The following DGKG variants were observed in gnomAD, a reference collection of about 807,000 sequenced individuals.
DGKG encodes the protein DAG kinase gamma.
DGKG carries 78 observed loss-of-function variants against 105.3 expected under a neutral mutation model. The ratio of observed to expected loss-of-function variants is 0.74; its 90% CI spans 0.62 to 0.89. The LOEUF (loss-of-function observed/expected upper bound fraction) is 0.89, where lower values mean the gene tolerates loss of function less well. Ranked by LOEUF, DGKG falls within the 40% of genes least tolerant of loss-of-function variation. DGKG has a pLI of 0.00. For synonymous variants in DGKG, 346 were observed against 367.1 expected (o/e 0.94, Z 0.66); for missense variants, 958 against 1,020.1 (o/e 0.94, Z 0.83).
chr3:186,268,683 C>G (rs1187421733), intron 12 of DGKG, 118 bp downstream of exon 12: 1 of 702,632 alleles, frequency 1.4e-6, no homozygotes, highest in Admixed American at 2.2e-5. Flanking sequence ...TGGGGTCCTC[C>G]TAGCCTCGCT....
chr3:186,273,643 G>T (rs1422635635), intron 10 of DGKG, among the ~76,000 whole-genome samples: 1 of 152,120 alleles, frequency 6.6e-6, no homozygotes, highest in Admixed American at 6.5e-5. Flanking sequence ...AAAGTGCTGG[G>T]ATTACGGCGT....
At chr3:186,214,298 GAT>G (rs1283766437) in intron 20 of DGKG, among the ~76,000 whole-genome samples, 3 of 152,100 alleles carry the variant, frequency 2.0e-5, no homozygotes, top group Non-Finnish European at 4.4e-5. Flanking sequence ...CTAAAATAGA[GAT>G]AAGAAAAATA....
At chr3:186,298,503 A>G (rs894090826) in intron 3 of DGKG, among the ~76,000 whole-genome samples, 1 of 152,164 alleles carries the variant, frequency 6.6e-6, no homozygotes, top group Non-Finnish European at 1.5e-5. Context: ...TCCTGTAATA[A>G]GAAATGATAT....
chr3:186,344,478 A>G (rs931220305), intron 1 of DGKG, among the ~76,000 whole-genome samples: 14 of 152,246 alleles, frequency 9.2e-5, no homozygotes, highest in African/African-American at 2.9e-4. Context: ...AAAGTAACGC[A>G]GGAACAGAAA....
chr3:186,262,834 TA>T (rs900736735), intron 14 of DGKG, among the ~76,000 whole-genome samples: 1 of 152,040 alleles, frequency 6.6e-6, no homozygotes, highest in Non-Finnish European at 1.5e-5. Context: ...TGCAGACTAC[TA>T]AAAAAATTTT....
intron 10 of DGKG, 126 bp downstream of exon 10, chr3:186,275,421 G>C: frequency 2.5e-6 from 2 of 805,656 alleles, no homozygotes; most frequent in South Asian, 3.2e-5. Context: ...CCTTCTGTTG[G>C]GACAATATGG....
intron 1 of DGKG, among the ~76,000 whole-genome samples, chr3:186,329,857 T>C (rs1267810556): frequency 2.0e-5 from 3 of 152,240 alleles, no homozygotes; most frequent in African/African-American, 7.2e-5. Context: ...TTCTCCATTA[T>C]GACATTTACT....
At chr3:186,310,284 A>AAAAAAAAC (rs1560148148) in intron 2 of DGKG, among the ~76,000 whole-genome samples, 1 of 149,608 alleles carries the variant, frequency 6.7e-6, no homozygotes, top group South Asian at 2.1e-4. Flanking sequence ...AAAAAAAAAA[A>AAAAAAAAC]AAAAACCACA....
intron 14 of DGKG, 174 bp from the exon 15 acceptor site, chr3:186,261,952 T>A (rs1323650610): frequency 5.5e-6 from 3 of 545,550 alleles, no homozygotes; most frequent in African/African-American, 3.8e-5. Context: ...GTGTCTCCAG[T>A]TTGAATGGCC....
chr3:186,272,451 G>A (rs1722361839), intron 10 of DGKG, 108 bp from the exon 11 acceptor site: 13 of 762,636 alleles, frequency 1.7e-5, no homozygotes, highest in South Asian at 1.0e-4. Flanking sequence ...GGTGGCTGGC[G>A]AGGGGCAGGG....
intron 1 of DGKG, among the ~76,000 whole-genome samples, chr3:186,355,276 G>GTCAA (rs1726876223): frequency 7.4e-5 from 2 of 26,878 alleles, no homozygotes; most frequent in Non-Finnish European, 6.2e-5. Flanking sequence ...ACTACCACCA[G>GTCAA]CACGATCATC....
At position 186,159,999 on chromosome 3, in the gene DGKG, C is replaced by T. The variant is rs538646537; in HGVS notation, c.2277+1604G>A. 5.3e-5 allele frequency: 11 copies of T among 208,436 alleles called. No homozygotes were observed. The East Asian group carries it at 5.6e-4, about 11-fold the overall frequency. The allele number at this position is 208,436 out of a possible 1,614,324, so 12.9% of individuals were successfully genotyped here. A position where few individuals can be genotyped will look rare whatever the true frequency, so the allele number is the denominator to read the frequency against. ...AGGCCTCCCCAGAAACCAGCCCTTC[C>T]GGCACCTTGGTCTTGTGTTGTCAGC... On this transcript the variant is annotated intron_variant, in intron 24 of 24. Transcript: ENST00000265022.
intron 17 of DGKG, among the ~76,000 whole-genome samples, chr3:186,255,788 A>T (rs1360500654): frequency 6.6e-6 from 1 of 152,152 alleles, no homozygotes; most frequent in Non-Finnish European, 1.5e-5. Context: ...GTGTAGGGAG[A>T]GAACAGATCA....
At chr3:186,310,265 CAAAAAAAAA>C (rs1165723037) in intron 2 of DGKG, among the ~76,000 whole-genome samples, 1 of 33,290 alleles carries the variant, frequency 3.0e-5, no homozygotes, top group Non-Finnish European at 5.9e-5. Flanking sequence ...GACTCCGTCT[CAAAAAAAAA>C]AAAAAAAAAA....
chr3:186,160,876 A>C, intron 24 of DGKG: 3 of 985,430 alleles, frequency 3.0e-6, no homozygotes, highest in Non-Finnish European at 3.6e-6. Flanking sequence ...CTAAAGGGAG[A>C]GCTAACGGAT....
intron 1 of DGKG, among the ~76,000 whole-genome samples, chr3:186,345,990 A>G (rs1003750914): frequency 2.0e-5 from 3 of 152,054 alleles, no homozygotes; most frequent in South Asian, 4.2e-4. Context: ...GCTAGTCTTG[A>G]ACTCCTGACC....
At chr3:186,181,029 T>G (rs935584411) in intron 22 of DGKG, among the ~76,000 whole-genome samples, 1 of 152,212 alleles carries the variant, frequency 6.6e-6, no homozygotes, top group Non-Finnish European at 1.5e-5. Context: ...GCTCAGTTGG[T>G]TTGAGTGCTA....
At chr3:186,310,050 C>T (rs1468767123) in intron 2 of DGKG, among the ~76,000 whole-genome samples, 13 of 150,958 alleles carry the variant, frequency 8.6e-5, no homozygotes, top group East Asian at 1.9e-4. Context: ...GGGCGGATCA[C>T]GAGGTCAGGA....
intron 21 of DGKG, among the ~76,000 whole-genome samples, chr3:186,209,697 C>G (rs1044661078): frequency 6.6e-6 from 1 of 152,092 alleles, no homozygotes; most frequent in Non-Finnish European, 1.5e-5. Context: ...CCCTGACACT[C>G]TCCCATCTCC....
Sources: allele counts gnomAD v4.1 joint callset (sites outside exome capture counted in the v4.1 genomes callset), GRCh38; gene constraint gnomAD v4.1.1; transcripts MANE v1.5; gene names NCBI Gene and HGNC (gene_info 2026-07-23, HGNC 2026-07-21).